Variants in SPATA17 observed in about 807,000 individuals in gnomAD.
SPATA17 encodes the protein spermatogenesis-associated protein 17.
In SPATA17, 53 loss-of-function variants were observed where a neutral mutation model predicts 62.2. The ratio of observed to expected loss-of-function variants is 0.85; its 90% CI spans 0.68 to 1.07. The LOEUF (loss-of-function observed/expected upper bound fraction) is 1.07. SPATA17 is among the 50% of genes least tolerant of loss of function. The probability of loss-of-function intolerance (pLI) is 0.00; values close to 1 mark genes in which losing one functional copy is unlikely to be tolerated. For missense variants in SPATA17, 466 were observed against 425.5 expected, an observed-to-expected ratio of 1.10 and a Z score of -0.84; for synonymous variants, 146 against 146.8, an observed-to-expected ratio of 0.99 and a Z score of 0.04.
chr1:217,681,573 AT>A (rs1178131500), intron 4 of SPATA17, among the ~76,000 whole-genome samples: 1 of 151,756 alleles, frequency 6.6e-6, no homozygotes, highest in Non-Finnish European at 1.5e-5. Flanking sequence ...TTTGTTTTGT[AT>A]TTTTAGTAGA....
chr1:217,861,876 A>T (rs1675903564), intron 9 of SPATA17, among the ~76,000 whole-genome samples: 1 of 152,186 alleles, frequency 6.6e-6, no homozygotes, highest in African/African-American at 2.4e-5. Flanking sequence ...TTGAAAAAGC[A>T]TTAATTGTAG....
At chr1:217,703,210 G>A (rs1287991179) in intron 5 of SPATA17, among the ~76,000 whole-genome samples, 28 of 140,404 alleles carry the variant, frequency 2.0e-4, no homozygotes, top group East Asian at 2.0e-4. Flanking sequence ...TCACTCTGTC[G>A]CCCAGGCTGG....
intron 5 of SPATA17, among the ~76,000 whole-genome samples, chr1:217,738,215 G>A (rs1672555250): frequency 6.6e-6 from 1 of 152,186 alleles, no homozygotes. Context: ...AGGGAAAGGA[G>A]AAATTTATTT....
intron 9 of SPATA17, among the ~76,000 whole-genome samples, chr1:217,825,489 G>C (rs1203064140): frequency 1.3e-5 from 2 of 151,550 alleles, no homozygotes; most frequent in Non-Finnish European, 2.9e-5. Context: ...ACATGAATTT[G>C]CCACAATTTA....
At chr1:217,658,823 A>T (rs913055758) in intron 3 of SPATA17, among the ~76,000 whole-genome samples, 19 of 152,292 alleles carry the variant, frequency 1.2e-4, no homozygotes, top group African/African-American at 4.3e-4. Context: ...ATTCCCTTAT[A>T]GTATGCAAAA....
At chr1:217,752,566 T>G (rs1459734887) in intron 6 of SPATA17, among the ~76,000 whole-genome samples, 1 of 152,258 alleles carries the variant, frequency 6.6e-6, no homozygotes, top group Non-Finnish European at 1.5e-5. Flanking sequence ...ACGCTTTTGT[T>G]CTGACAACAT....
intron 5 of SPATA17, among the ~76,000 whole-genome samples, chr1:217,693,133 G>C (rs1671379399): frequency 6.7e-6 from 1 of 149,992 alleles, no homozygotes; most frequent in African/African-American, 2.5e-5. Context: ...GACTCTTTTT[G>C]GTTGGTAAAC....
intron 5 of SPATA17, among the ~76,000 whole-genome samples, chr1:217,704,262 G>T (rs867323144): frequency 0.12 from 222 of 1,882 alleles, 1 homozygote; most frequent in African/African-American, 0.15. Flanking sequence ...TTTTTTTTTT[G>T]AGACGGAGTC....
At position 217,749,985 on chromosome 1, in the gene SPATA17, C is replaced by CTATATATATATATATATA. The variant is rs57489651; in HGVS notation, c.519+7897_519+7914dup. 8.3e-3 allele frequency among the ~76,000 whole-genome samples: 102 copies of CTATATATATATATATATA among 12,292 alleles called. 5 individuals are homozygous for CTATATATATATATATATA. Among genetic ancestry groups the CTATATATATATATATATA allele is most frequent in the Middle Eastern group, 0.031 (1 of 32 alleles). 8.1% of individuals were successfully genotyped at this position (12,292 alleles called of 152,430 possible). A position where few individuals can be genotyped will look rare whatever the true frequency, so the allele number is the denominator to read the frequency against. Reference sequence around the variant, plus strand: ...TCTCTCTCTCTCTCTCTCTCTCTCTCTATATATATATATATATATATATAT... The same window carrying CTATATATATATATATATA: ...TCTCTCTCTCTCTCTCTCTCTCTCTCTATATATATATATATATATATATATATATATATATATATATAT... On this transcript the variant is annotated intron_variant, in intron 6 of 10. Transcript: ENST00000366933.
At chr1:217,715,178 A>T (rs190111847) in intron 5 of SPATA17, among the ~76,000 whole-genome samples, 1 of 152,328 alleles carries the variant, frequency 6.6e-6, no homozygotes, top group East Asian at 1.9e-4. Flanking sequence ...ATTACATTAT[A>T]TGTTTAAAAT....
At chr1:217,733,948 A>C (rs1275280039) in intron 5 of SPATA17, among the ~76,000 whole-genome samples, 2 of 152,172 alleles carry the variant, frequency 1.3e-5, no homozygotes, top group East Asian at 3.8e-4. Flanking sequence ...GCCCTAATGG[A>C]ATTTGCAACA....
chr1:217,812,076 C>T (rs1185139253), intron 9 of SPATA17, among the ~76,000 whole-genome samples: 1 of 152,090 alleles, frequency 6.6e-6, no homozygotes, highest in Non-Finnish European at 1.5e-5. Context: ...GCCAAGAAGG[C>T]TCAAGCAAGT....
intron 9 of SPATA17, among the ~76,000 whole-genome samples, chr1:217,818,302 G>A (rs71647133): frequency 0.01 from 1,521 of 152,036 alleles, 9 homozygotes; most frequent in Non-Finnish European, 0.017. Flanking sequence ...AATTTTCTTT[G>A]TCTTTAAACA....
chr1:217,861,607 T>C (rs1224732425), intron 9 of SPATA17, among the ~76,000 whole-genome samples: 2 of 152,088 alleles, frequency 1.3e-5, no homozygotes, highest in African/African-American at 4.8e-5. Flanking sequence ...TCCAGAATTG[T>C]AATTTGTAAC....
At chr1:217,644,527 A>G (rs1251881499) in intron 1 of SPATA17, among the ~76,000 whole-genome samples, 2 of 152,172 alleles carry the variant, frequency 1.3e-5, no homozygotes, top group African/African-American at 4.8e-5. Flanking sequence ...TGAGTTTTTA[A>G]TCTAGTATTT....
At chr1:217,736,827 T>C (rs1399596782) in intron 5 of SPATA17, among the ~76,000 whole-genome samples, 1 of 152,218 alleles carries the variant, frequency 6.6e-6, no homozygotes, top group Non-Finnish European at 1.5e-5. Context: ...ATGGAAAACA[T>C]ATTTTAAGGA....
At chr1:217,813,805 T>A (rs1674651617) in intron 9 of SPATA17, among the ~76,000 whole-genome samples, 1 of 152,068 alleles carries the variant, frequency 6.6e-6, no homozygotes, top group African/African-American at 2.4e-5. Flanking sequence ...TAGATGCATT[T>A]GTATATGCAT....
At chr1:217,801,974 C>A in intron 9 of SPATA17, 124 bp downstream of exon 9, 3 of 1,017,644 alleles carry the variant, frequency 2.9e-6, no homozygotes, top group Non-Finnish European at 2.8e-6. Flanking sequence ...TTTTTTATAG[C>A]TGTTTTAGGT....
chr1:217,673,796 T>C (rs745373969), intron 4 of SPATA17, among the ~76,000 whole-genome samples: 9 of 152,208 alleles, frequency 5.9e-5, no homozygotes, highest in Non-Finnish European at 1.0e-4. Flanking sequence ...GAATTACTTA[T>C]GTGGGGAAAA....
Sources: allele counts gnomAD v4.1 joint callset (sites outside exome capture counted in the v4.1 genomes callset), GRCh38; gene constraint gnomAD v4.1.1; transcripts MANE v1.5; gene names NCBI Gene and HGNC (gene_info 2026-07-23, HGNC 2026-07-21).